FZD3: variants seen among roughly 807,000 people sequenced by gnomAD.
FZD3 encodes the protein frizzled class receptor 3.
Under a neutral mutation model 60.7 loss-of-function variants are expected in FZD3, and 30 were observed. That is an observed-to-expected ratio of 0.49 (90% CI 0.37 to 0.67). The LOEUF is 0.67. FZD3 is among the 30% of genes least tolerant of loss of function. FZD3 has a pLI of 0.00. For missense variants in FZD3, 605 were observed against 838.7 expected (o/e 0.72, Z 3.44); for synonymous variants, 246 against 275.2 (o/e 0.89, Z 1.05).
At chr8:28,542,969 G>C (rs1051927339) in intron 5 of FZD3, among the ~76,000 whole-genome samples, 1 of 152,218 alleles carries the variant, frequency 6.6e-6, no homozygotes, top group Non-Finnish European at 1.5e-5. Context: ...ACAAAGGGAT[G>C]AGTAGGATAG....
At chr8:28,534,268 G>A (rs1383140439) in intron 5 of FZD3, among the ~76,000 whole-genome samples, 2 of 152,074 alleles carry the variant, frequency 1.3e-5, no homozygotes. Context: ...ATTTTTAAGT[G>A]TACAGTTCTG....
At position 28,562,943 on chromosome 8, in the gene FZD3, C is replaced by T. The variant is rs867737894; in HGVS notation, c.1933C>T (p.Pro645Ser). Residue 645 changes from proline to serine, a missense_variant, in exon 8 of 8, where the codon CCC becomes TCC. Transcript: ENST00000240093. ...CAGCATCAGAGATCTCAGTAATAATCCCATGACTCATATCACACATGGCAC... is the reference window on the plus strand; with the variant it reads ...CAGCATCAGAGATCTCAGTAATAATTCCATGACTCATATCACACATGGCAC... ...HSSIRDLSNNPMTHITHGTSM... is the reference protein window; with the variant it reads ...HSSIRDLSNNSMTHITHGTSM... 6.2e-7 allele frequency: 1 copy of T among 1,613,346 alleles called. No individual in the cohort carries two copies.
intron 7 of FZD3, among the ~76,000 whole-genome samples, chr8:28,556,295 A>G (rs932660863): frequency 6.6e-6 from 1 of 152,208 alleles, no homozygotes; most frequent in African/African-American, 2.4e-5. Flanking sequence ...TGAGAATACA[A>G]AGATGACTTA....
At position 28,495,089 on chromosome 8, in the gene FZD3, C is replaced by T. The variant is rs547495827; in HGVS notation, c.-391+746C>T. On this transcript the variant is annotated intron_variant, in intron 1 of 7. Transcript: ENST00000240093. ...TGAAATAGCCAGCAAGGTGAAGGAG[C>T]CTTGTGTCCTTTCAAGACATGTAAA... is the stretch of plus-strand genomic sequence containing the variant. Among the ~76,000 whole-genome samples, 5 of 152,196 alleles carry T rather than the reference C, an allele frequency of 3.3e-5. No homozygotes were observed. In the South Asian group the frequency reaches 8.3e-4, roughly 25 times the overall value.
chr8:28,531,270 A>G (rs1804868719), intron 5 of FZD3, among the ~76,000 whole-genome samples: 1 of 152,164 alleles, frequency 6.6e-6, no homozygotes, highest in African/African-American at 2.4e-5. Flanking sequence ...TATATGTGAG[A>G]TCATTCTGTA....
At position 28,527,857 on chromosome 8, in the gene FZD3, A is replaced by G; in HGVS notation, c.1097A>G (p.Tyr366Cys). 6.2e-7 allele frequency: 1 copy of G among 1,614,068 alleles called. No homozygotes were observed. Among genetic ancestry groups the G allele is most frequent in the Non-Finnish European group, 8.5e-7 (1 of 1,179,976 alleles). Residue 366 changes from tyrosine to cysteine, a missense_variant, in exon 5 of 8, where the codon TAC becomes TGC. By Grantham distance (194) the Tyr-to-Cys change is radical. Coordinates refer to ENST00000240093, the MANE Select transcript of FZD3 (RefSeq NM_017412.4). This position sits in a 1 kb window ranked among gnomAD's most constrained non-coding sequence, Gnocchi z 5.0. ...NISGVCFVGLYDVDALRYFVL... is the reference protein window; with the variant it reads ...NISGVCFVGLCDVDALRYFVL... ...AGTGGCGTGTGTTTTGTTGGCCTCTACGATGTTGATGCATTGAGATATTTT... is the reference window on the plus strand; with the variant it reads ...AGTGGCGTGTGTTTTGTTGGCCTCTGCGATGTTGATGCATTGAGATATTTT...
intron 7 of FZD3, among the ~76,000 whole-genome samples, chr8:28,560,122 C>T (rs1188272910): frequency 6.6e-6 from 1 of 152,110 alleles, no homozygotes; most frequent in Non-Finnish European, 1.5e-5. Flanking sequence ...AGTAAAACTA[C>T]AGTTAATTCA....
In FZD3 at chr8:28,527,375, C is replaced by T. The variant is rs1256968822; in HGVS notation, c.615C>T (p.Phe205=). 3.7e-6 allele frequency: 6 copies of T among 1,613,812 alleles called. No homozygotes were observed. The highest frequency in any genetic ancestry group is 4.2e-6 in the Non-Finnish European group (5 of 1,179,688). ...RREELSFARY[F]IGLISIICLS... is the part of the protein sequence containing the mutation. ...AAGAACTGTCATTTGCTCGCTATTT[C>T]ATAGGATTGATTTCAATCATTTGCC... The change falls in exon 5 of 8, where the codon TTC becomes TTT. Residue 205 remains phenylalanine (F), a synonymous_variant. Coordinates refer to ENST00000240093, the MANE Select transcript of FZD3 (RefSeq NM_017412.4). The surrounding 1 kb of genome is among the most constrained non-coding windows in gnomAD (Gnocchi z 5.0).
intron 3 of FZD3, among the ~76,000 whole-genome samples, chr8:28,513,158 A>G (rs1360402761): frequency 6.6e-6 from 1 of 152,214 alleles, no homozygotes; most frequent in Admixed American, 6.5e-5. Context: ...GGACAAAAAA[A>G]TAGCAGCTTC....
chr8:28,512,613 A>G (rs891718190), intron 3 of FZD3, among the ~76,000 whole-genome samples: 4 of 152,170 alleles, frequency 2.6e-5, no homozygotes, highest in East Asian at 1.9e-4. Flanking sequence ...AAAAATTTCA[A>G]CTGTCCTTTT....
Position 28,527,173 on chromosome 8 carries a change from C to G in FZD3, c.413C>G (p.Pro138Arg). Reference sequence around the variant, plus strand: ...TTCCCAGATTGTGATGAGCCATATCCTCGACTTGTGGATCTGAATTTAGCT... The same window carrying G: ...TTCCCAGATTGTGATGAGCCATATCGTCGACTTGTGGATCTGAATTTAGCT... ...SRFPDCDEPY[P>R]RLVDLNLAGE... The change falls in exon 5 of 8, where the codon CCT becomes CGT. Residue 138 changes from proline (P) to arginine (R), a missense_variant. Physicochemically the swap from Pro to Arg is moderately radical, Grantham distance 103. Coordinates refer to ENST00000240093, the MANE Select transcript of FZD3 (RefSeq NM_017412.4). This position sits in a 1 kb window ranked among gnomAD's most constrained non-coding sequence, Gnocchi z 5.0. 6.2e-7 allele frequency: 1 copy of G among 1,612,564 alleles called. No individual in the cohort carries two copies. Among genetic ancestry groups the G allele is most frequent in the Admixed American group, 1.7e-5 (1 of 59,708 alleles).
chr8:28,517,020 TATTC>T (rs1804447591), intron 3 of FZD3, among the ~76,000 whole-genome samples: 1 of 152,184 alleles, frequency 6.6e-6, no homozygotes, highest in Non-Finnish European at 1.5e-5. Context: ...TGGCACAGAG[TATTC>T]ATTTATATTT....
At chr8:28,529,732 A>G (rs939474845) in intron 5 of FZD3, among the ~76,000 whole-genome samples, 1 of 152,160 alleles carries the variant, frequency 6.6e-6, no homozygotes, top group Non-Finnish European at 1.5e-5. Context: ...AAACCAACTC[A>G]TAACTTAGAG....
At chr8:28,549,175 T>C (rs1805358444) in intron 5 of FZD3, among the ~76,000 whole-genome samples, 1 of 152,206 alleles carries the variant, frequency 6.6e-6, no homozygotes, top group Non-Finnish European at 1.5e-5. Flanking sequence ...GGTGTCTTTA[T>C]GTCCAAATTT....
intron 1 of FZD3, among the ~76,000 whole-genome samples, chr8:28,499,455 T>G (rs958851866): frequency 1.3e-5 from 2 of 151,588 alleles, no homozygotes; most frequent in African/African-American, 4.9e-5. Context: ...GCTTTTAGGG[T>G]TTTTTTTGTT....
chr8:28,498,122 G>A (rs1212900920), intron 1 of FZD3, among the ~76,000 whole-genome samples: 2 of 152,104 alleles, frequency 1.3e-5, no homozygotes, highest in African/African-American at 4.8e-5. Flanking sequence ...AACTTAGTCC[G>A]AAATCAGCTT....
intron 5 of FZD3, among the ~76,000 whole-genome samples, chr8:28,538,841 T>C (rs1239249618): frequency 6.7e-6 from 1 of 149,224 alleles, no homozygotes. Flanking sequence ...AACCATTTGT[T>C]ATATATGTTA....
intron 4 of FZD3, among the ~76,000 whole-genome samples, chr8:28,525,344 G>A (rs1804689389): frequency 6.6e-6 from 1 of 152,164 alleles, no homozygotes; most frequent in Non-Finnish European, 1.5e-5. Context: ...TAGGTGATAG[G>A]GATACAATAT....
intron 5 of FZD3, among the ~76,000 whole-genome samples, chr8:28,533,115 T>A (rs1395227303): frequency 1.3e-5 from 2 of 152,218 alleles, no homozygotes; most frequent in African/African-American, 4.8e-5. Context: ...ATTTGTTCAT[T>A]TTTAAAATGT....
Sources: gnomAD v4.1 joint callset for allele counts (sites outside exome capture counted in the v4.1 genomes callset) on GRCh38, gnomAD v4.1.1 for gene constraint, Gnocchi (gnomAD v3.1) non-coding constraint, MANE v1.5 for transcripts, NCBI Gene and HGNC (gene_info 2026-07-23, HGNC 2026-07-21) for gene names.